The following CNKSR3 variants were observed in gnomAD, a reference collection of about 807,000 sequenced individuals.
CNKSR3 encodes connector enhancer of kinase suppressor of ras 3.
In CNKSR3, 36 loss-of-function variants were observed where a neutral mutation model predicts 67.7. The ratio of observed to expected loss-of-function variants is 0.53; its 90% CI spans 0.41 to 0.70. The LOEUF (loss-of-function observed/expected upper bound fraction) is 0.70, where lower values mean the gene tolerates loss of function less well. Among genes scored for constraint, CNKSR3 ranks in the 30% least tolerant of loss-of-function variants. The pLI is 0.00. For synonymous variants in CNKSR3, 281 were observed against 271.4 expected, an observed-to-expected ratio of 1.04 and a Z score of -0.35; for missense variants, 630 against 695.2, an observed-to-expected ratio of 0.91 and a Z score of 1.05.
chr6:154,492,866 G>GT (rs1392291942), intron 1 of CNKSR3, among the ~76,000 whole-genome samples: 1 of 151,792 alleles, frequency 6.6e-6, no homozygotes, highest in Non-Finnish European at 1.5e-5. Flanking sequence ...ACACTTCAAG[G>GT]GTATCCTCTC....
intron 4 of CNKSR3, among the ~76,000 whole-genome samples, chr6:154,438,043 G>A (rs768651462): frequency 1.1e-4 from 16 of 152,136 alleles, no homozygotes; most frequent in East Asian, 1.9e-4. Context: ...TGATCCACCC[G>A]CCTCGGCCTC....
At chr6:154,415,045 C>T (rs1001796598) in intron 9 of CNKSR3, among the ~76,000 whole-genome samples, 4 of 132,744 alleles carry the variant, frequency 3.0e-5, no homozygotes, top group African/African-American at 8.8e-5. Flanking sequence ...TTGCAGTGAG[C>T]GAAGAGTGTA....
At chr6:154,419,114 AC>A (rs1338889395) in intron 9 of CNKSR3, among the ~76,000 whole-genome samples, 1 of 148,258 alleles carries the variant, frequency 6.7e-6, no homozygotes, top group Non-Finnish European at 1.5e-5. Context: ...ATCAAGGCTC[AC>A]AGCAGCCTCC....
chr6:154,490,356 C>A (rs1414241193), intron 1 of CNKSR3, among the ~76,000 whole-genome samples: 1 of 151,752 alleles, frequency 6.6e-6, no homozygotes, highest in Non-Finnish European at 1.5e-5. Context: ...AAATAATGAG[C>A]CCTAAAAAAT....
chr6:154,493,593 T>C (rs1433500886), intron 1 of CNKSR3, among the ~76,000 whole-genome samples: 1 of 152,198 alleles, frequency 6.6e-6, no homozygotes, highest in African/African-American at 2.4e-5. Context: ...TATTTATCCA[T>C]TCTCATATTG....
At chr6:154,475,403 C>T (rs1333207825) in intron 1 of CNKSR3, among the ~76,000 whole-genome samples, 3 of 152,160 alleles carry the variant, frequency 2.0e-5, no homozygotes, top group African/African-American at 7.2e-5. Flanking sequence ...AATCCACCCT[C>T]ATCCATGAAG....
At chr6:154,452,431 A>C (rs1165478565) in intron 1 of CNKSR3, among the ~76,000 whole-genome samples, 2 of 152,242 alleles carry the variant, frequency 1.3e-5, no homozygotes, top group Non-Finnish European at 2.9e-5. Flanking sequence ...TGAGTACAAA[A>C]AATTGAGAAA....
At chr6:154,461,054 G>T (rs1786068975) in intron 1 of CNKSR3, among the ~76,000 whole-genome samples, 1 of 152,188 alleles carries the variant, frequency 6.6e-6, no homozygotes, top group African/African-American at 2.4e-5. Flanking sequence ...GCCAGGTCTT[G>T]TATTAAATTA....
At chr6:154,429,075 CCTCA>C (rs779274941) in intron 6 of CNKSR3, among the ~76,000 whole-genome samples, 44 of 152,212 alleles carry the variant, frequency 2.9e-4, no homozygotes, top group Non-Finnish European at 4.7e-4. Flanking sequence ...GAGGCCAATG[CCTCA>C]CTGAGTGATA....
At position 154,463,226 on chromosome 6, in the gene CNKSR3, C is replaced by A. The variant is rs376777266; in HGVS notation, c.53-12968G>T. ...CTGGGACTACAGGCGCCCACCACCA[C>A]GCCCGGCTAATTTTTTGTATTTTTA... is the stretch of plus-strand genomic sequence containing the variant. On this transcript the variant is annotated intron_variant, in intron 1 of 12. Transcript: ENST00000607772. 3.3e-5 allele frequency among the ~76,000 whole-genome samples: 5 copies of A among 151,894 alleles called. No individual in the cohort carries two copies. In the South Asian group the frequency reaches 1.0e-3, roughly 32 times the overall value.
intron 5 of CNKSR3, among the ~76,000 whole-genome samples, chr6:154,431,440 CAAAAAAA>C (rs34060385): frequency 5.3e-5 from 5 of 93,546 alleles, no homozygotes; most frequent in East Asian, 2.7e-4. Flanking sequence ...GAGACTCTGT[CAAAAAAA>C]AAAAAAAAAA....
At chr6:154,446,690 G>A (rs1190257637) in intron 2 of CNKSR3, among the ~76,000 whole-genome samples, 3 of 151,732 alleles carry the variant, frequency 2.0e-5, no homozygotes, top group Non-Finnish European at 4.4e-5. Flanking sequence ...TTCCAACTCT[G>A]TTCATTTCTC....
At chr6:154,436,322 C>A (rs920775950) in intron 4 of CNKSR3, among the ~76,000 whole-genome samples, 5 of 152,190 alleles carry the variant, frequency 3.3e-5, no homozygotes, top group Non-Finnish European at 7.3e-5. Context: ...CAGGCACACA[C>A]CACCACGCTT....
In CNKSR3 at chr6:154,466,349, G is replaced by A. The variant is rs546449644; in HGVS notation, c.53-16091C>T. On this transcript the variant is annotated intron_variant, in intron 1 of 12. Transcript: ENST00000607772. The stretch of plus-strand genomic sequence containing the variant: ...GGCCAGTTCCCTTGGCTCATGTACG[G>A]ACTTGTGTTTCACCACAAAAACAAA... 7.2e-5 allele frequency among the ~76,000 whole-genome samples: 11 copies of A among 152,296 alleles called. No individual in the cohort carries two copies. The South Asian group carries it at 1.0e-3, about 14-fold the overall frequency.
intron 1 of CNKSR3, among the ~76,000 whole-genome samples, chr6:154,477,993 G>C (rs1191941783): frequency 6.6e-6 from 1 of 152,172 alleles, no homozygotes; most frequent in Admixed American, 6.5e-5. Context: ...TCCTTATGAC[G>C]GAAGAGAGGC....
rs1784640994 is a variant in CNKSR3 at position 154,394,659 on chromosome 6, G to T, written c.*11695C>A. 1 of 134,220 alleles carries T rather than the reference G, an allele frequency of 7.5e-6. No homozygotes were observed. Among genetic ancestry groups the T allele is most frequent in the African/African-American group, 2.8e-5 (1 of 35,614 alleles). 8.3% of individuals were successfully genotyped at this position (134,220 alleles called of 1,614,324 possible). A position where few individuals can be genotyped will look rare whatever the true frequency, so the allele number is the denominator to read the frequency against. On this transcript the variant is annotated 3_prime_UTR_variant, in exon 13 of 13. Transcript: ENST00000607772. ...AAGAAGAATTCCAAAGGAAACAGAA[G>T]AAAATAGAAAATAAAAAGCAGAAAT... is the stretch of plus-strand genomic sequence containing the variant.
chr6:154,464,280 G>T (rs1432953846), intron 1 of CNKSR3, among the ~76,000 whole-genome samples: 1 of 152,190 alleles, frequency 6.6e-6, no homozygotes, highest in Admixed American at 6.5e-5. Context: ...AGGGACAGCA[G>T]TGTCCCCTCT....
In CNKSR3 at chr6:154,496,131, T is replaced by C. The variant is rs373624907; in HGVS notation, c.52+13932A>G. Reference sequence around the variant, plus strand: ...CTGGGAGTTAAAGCCAAGAACTCTTTCATCCTGACTAGTGACTCTGATGTC... The same window carrying C: ...CTGGGAGTTAAAGCCAAGAACTCTTCCATCCTGACTAGTGACTCTGATGTC... On this transcript the variant is annotated intron_variant, in intron 1 of 12. Coordinates refer to ENST00000607772, the MANE Select transcript of CNKSR3 (RefSeq NM_173515.4). Among the ~76,000 whole-genome samples, 79 of 152,314 alleles carry C rather than the reference T, an allele frequency of 5.2e-4. 1 individual carries two copies. The East Asian group carries it at 0.012, about 23-fold the overall frequency.
intron 2 of CNKSR3, among the ~76,000 whole-genome samples, chr6:154,444,061 T>G (rs1785658174): frequency 6.6e-6 from 1 of 152,214 alleles, no homozygotes; most frequent in African/African-American, 2.4e-5. Flanking sequence ...ATTTCTGTAT[T>G]CAGTTGCCTC....
Sources: gnomAD v4.1 joint callset for allele counts (sites outside exome capture counted in the v4.1 genomes callset) on GRCh38, gnomAD v4.1.1 for gene constraint, MANE v1.5 for transcripts, NCBI Gene and HGNC (gene_info 2026-07-23, HGNC 2026-07-21) for gene names.